The following TMEM41A variants were observed in gnomAD, a reference collection of about 807,000 sequenced individuals.
TMEM41A encodes the protein transmembrane protein 41A.
TMEM41A carries 20 observed loss-of-function variants against 25.7 expected under a neutral mutation model. The ratio of observed to expected loss-of-function variants is 0.78; its 90% CI spans 0.55 to 1.13. The LOEUF (loss-of-function observed/expected upper bound fraction) is 1.13. Among genes scored for constraint, TMEM41A ranks in the 50% most tolerant of loss-of-function variants. TMEM41A has a pLI of 0.00. For synonymous variants in TMEM41A, 133 were observed against 139.6 expected (o/e 0.95, Z 0.33); for missense variants, 299 against 314.3 (o/e 0.95, Z 0.37).
At chr3:185,494,602 C>T (rs776630900) in intron 4 of TMEM41A, 21 bp downstream of exon 4, 21 of 1,569,872 alleles carry the variant, frequency 1.3e-5, no homozygotes, top group Non-Finnish European at 1.7e-5. Context: ...AAGACTCAAA[C>T]CTACCCCACT....
chr3:185,494,456 G>C, intron 4 of TMEM41A, 167 bp downstream of exon 4: 1 of 796,210 alleles, frequency 1.3e-6, no homozygotes, highest in East Asian at 2.8e-5. Context: ...GTTGAAGCCT[G>C]AGCAGATCTG....
chr3:185,490,370 C>A lies in TMEM41A; in HGVS notation c.*1167G>T, dbSNP rs1277930214. The A allele has an allele frequency of 1.3e-5, 2 of 152,230 alleles. No individual in the cohort carries two copies. Among genetic ancestry groups the A allele is most frequent in the African/African-American group, 4.8e-5 (2 of 41,472 alleles). The allele number at this position is 152,230 out of a possible 1,614,324, so 9.4% of individuals were successfully genotyped here. ...GATGGCCCCATATACTGAACCCATTCTCCTAGCATGACACAGAACGGATTC... is the reference window on the plus strand; with the variant it reads ...GATGGCCCCATATACTGAACCCATTATCCTAGCATGACACAGAACGGATTC... On this transcript the variant is annotated 3_prime_UTR_variant, in exon 5 of 5. Coordinates refer to ENST00000421852, the MANE Select transcript of TMEM41A (RefSeq NM_080652.4).
At position 185,494,731 on chromosome 3, in the gene TMEM41A, A is replaced by G. The variant is rs535876936; in HGVS notation, c.466T>C (p.Phe156Leu). 3.7e-6 allele frequency: 6 copies of G among 1,612,158 alleles called. No homozygotes were observed. Among genetic ancestry groups the G allele is most frequent in the Admixed American group, 3.4e-5 (2 of 59,504 alleles). ...GGGAAAAGTCTCAAAAACAATAAGA[A>G]AAAAAACAAGCTGTTTCTGTTCTCC... is the stretch of plus-strand genomic sequence containing the variant. ...VEENRNSLFF[F>L]LLFLRLFPMT... The change falls in exon 4 of 5, where the codon TTC (phenylalanine) becomes CTC (leucine). Residue 156 changes from phenylalanine (F) to leucine (L), a missense_variant. Transcript: ENST00000421852.
In TMEM41A at chr3:185,498,851, A is replaced by T; in HGVS notation, c.111T>A (p.Ala37=). 1 of 1,596,188 alleles carries T rather than the reference A, an allele frequency of 6.3e-7. No homozygotes were observed. Among genetic ancestry groups the T allele is most frequent in the South Asian group, 1.1e-5 (1 of 88,650 alleles). Reference sequence around the variant, plus strand: ...GGATTCCCGCCACGCACCTGCCTCCAGCCTCCTCGGTGGAGCCCAGTCTCC... The same window carrying T: ...GGATTCCCGCCACGCACCTGCCTCCTGCCTCCTCGGTGGAGCCCAGTCTCC... ...RGRRLGSTEE[A]GGRSLWFPSD... Residue 37 remains alanine (A), a synonymous_variant, in exon 1 of 5, where the codon GCT becomes GCA. Coordinates refer to ENST00000421852, the MANE Select transcript of TMEM41A (RefSeq NM_080652.4).
At chr3:185,491,850 T>G (rs1410025152) in intron 4 of TMEM41A, 93 bp from the exon 5 acceptor site, 7 of 905,802 alleles carry the variant, frequency 7.7e-6, no homozygotes, top group Non-Finnish European at 1.1e-5. Flanking sequence ...GTGACTACGG[T>G]TTTTTTTTGC....
Position 185,490,973 on chromosome 3 carries a change from A to C in TMEM41A, c.*564T>G, listed in dbSNP as rs978495959. 4 of 152,298 alleles carry C rather than the reference A, an allele frequency of 2.6e-5. No homozygotes were observed. The highest frequency in any genetic ancestry group is 9.7e-5 in the African/African-American group (4 of 41,224). 9.4% of individuals were successfully genotyped at this position (152,298 alleles called of 1,614,324 possible). On this transcript the variant is annotated 3_prime_UTR_variant, in exon 5 of 5. Transcript: ENST00000421852. ...AACTCCTTATTAGACCACAAAATAC[A>C]AACAGCATTTTCTTTTTTTCTCTTT...
At chr3:185,495,488 T>A in intron 2 of TMEM41A, 173 bp from the exon 3 acceptor site, 1 of 648,472 alleles carries the variant, frequency 1.5e-6, no homozygotes, top group Non-Finnish European at 2.6e-6. Context: ...TCACCCAGGC[T>A]GGAGTACAGT....
At chr3:185,496,700 G>A in intron 2 of TMEM41A, 128 bp downstream of exon 2, 2 of 1,224,238 alleles carry the variant, frequency 1.6e-6, no homozygotes, top group Non-Finnish European at 2.3e-6. Context: ...GAGGGCCACT[G>A]TGTGCCAGCC....
At chr3:185,497,070 G>C (rs1329888193) in intron 1 of TMEM41A, 89 bp from the exon 2 acceptor site, 1 of 1,460,700 alleles carries the variant, frequency 6.8e-7, no homozygotes, top group African/African-American at 1.4e-5. Flanking sequence ...TTTCAGAGTA[G>C]GTTTATAAAT....
rs1235105027 is a variant in TMEM41A, at chr3:185,494,644, A to C, written c.553T>G (p.Phe185Val). ...APILNIPIVQFFFSVLIGLIP... is the reference protein window; with the variant it reads ...APILNIPIVQVFFSVLIGLIP... ...TTACCGATAAGAACTGAGAAGAAGA[A>C]CTGCACGATGGGAATGTTCAGAATT... The change falls in exon 4 of 5, where the codon TTC (phenylalanine) becomes GTC (valine). Residue 185 changes from phenylalanine (F) to valine (V), a missense_variant. Phe to Val is a conservative substitution (Grantham distance 50). Coordinates refer to ENST00000421852, the MANE Select transcript of TMEM41A (RefSeq NM_080652.4). 1 of 1,609,198 alleles carries C rather than the reference A, an allele frequency of 6.2e-7. No homozygotes were observed. Among genetic ancestry groups the C allele is most frequent in the East Asian group, 2.2e-5 (1 of 44,796 alleles).
chr3:185,498,687 G>C (rs1719184652), intron 1 of TMEM41A, 156 bp downstream of exon 1: 1 of 623,732 alleles, frequency 1.6e-6, no homozygotes, highest in Non-Finnish European at 2.7e-6. Flanking sequence ...GCGGACGCGG[G>C]CCCGGATACC....
In TMEM41A at chr3:185,494,775, GAAGA is replaced by G; in HGVS notation, c.436-18_436-15del. The stretch of plus-strand genomic sequence containing the variant: ...GTTCTCCTCCACCTGTAGCCAAAGA[GAAGA>G]AAGCTGTTAAGAAGCAGAAAGGGTC... On this transcript the variant is annotated splice_polypyrimidine_tract_variant and intron_variant, in intron 3 of 4. Transcript: ENST00000421852. 1 of 1,593,750 alleles carries G rather than the reference GAAGA, an allele frequency of 6.3e-7. No individual in the cohort carries two copies. The highest frequency in any genetic ancestry group is 8.5e-7 in the Non-Finnish European group (1 of 1,172,554).
At chr3:185,496,509 C>T in intron 2 of TMEM41A, 1 of 380,246 alleles carries the variant, frequency 2.6e-6, no homozygotes, top group South Asian at 2.2e-5. Context: ...CCGAGCCCCA[C>T]ACACCTCCCC....
At chr3:185,497,149 G>C (rs571734421) in intron 1 of TMEM41A, among the ~76,000 whole-genome samples, 168 bp from the exon 2 acceptor site, 2 of 152,308 alleles carry the variant, frequency 1.3e-5, no homozygotes, top group Admixed American at 1.3e-4. Flanking sequence ...CGACGTTGCG[G>C]AGACAGACAG....
chr3:185,495,369 G>A (rs760535184), intron 2 of TMEM41A, 54 bp from the exon 3 acceptor site: 429 of 1,562,706 alleles, frequency 2.7e-4, no homozygotes, highest in Non-Finnish European at 3.6e-4. Flanking sequence ...TACCAGGCAC[G>A]TCATCTTGGA....
In TMEM41A at chr3:185,499,018, C is replaced by G; in HGVS notation, c.-57G>C. 1 of 1,478,222 alleles carries G rather than the reference C, an allele frequency of 6.8e-7. No homozygotes were observed. The highest frequency in any genetic ancestry group is 9.2e-7 in the Non-Finnish European group (1 of 1,086,522). 91.6% of individuals were successfully genotyped at this position (1,478,222 alleles called of 1,614,324 possible). A position where few individuals can be genotyped will look rare whatever the true frequency, so the allele number is the denominator to read the frequency against. ...CGAGAAGCTCACTTGCACTCCGGGA[C>G]GCAGCGGCGGGCGGACTGAGCCCGC... On this transcript the variant is annotated 5_prime_UTR_variant, in exon 1 of 5. Transcript: ENST00000421852.
In TMEM41A at chr3:185,496,876, G is replaced by A. The variant is rs539632776; in HGVS notation, c.225C>T (p.Gly75=). 16 of 1,607,322 alleles carry A rather than the reference G, an allele frequency of 1.0e-5. No homozygotes were observed. Among genetic ancestry groups the A allele is most frequent in the African/African-American group, 9.3e-5 (7 of 75,032 alleles). ...CAAAGCCCTGTTTGTAGAGGTAGGC[G>A]CCGCAGAAGAGCAGGAACACGTAGG... is the stretch of plus-strand genomic sequence containing the variant. The part of the protein sequence containing the change: ...HQAYVFLLFC[G]AYLYKQGFAI... The change falls in exon 2 of 5, where the codon GGC becomes GGT. Residue 75 remains glycine, a synonymous_variant. Transcript: ENST00000421852.
intron 4 of TMEM41A, chr3:185,494,165 A>G (rs1237555895): frequency 6.5e-6 from 1 of 153,404 alleles, no homozygotes; most frequent in Non-Finnish European, 1.5e-5. Context: ...AAGGAACCAC[A>G]CTGATGCCAG....
rs767044307 is a variant in TMEM41A at position 185,495,230 on chromosome 3, T to C, written c.359A>G (p.Tyr120Cys). The C allele has an allele frequency of 1.1e-5, 17 of 1,598,738 alleles. No individual in the cohort carries two copies. Among genetic ancestry groups the C allele is most frequent in the African/African-American group, 2.8e-5 (2 of 72,110 alleles). Residue 120 changes from tyrosine (Y) to cysteine (C), a missense_variant, in exon 3 of 5, where the codon TAC becomes TGC. Physicochemically the swap from Tyr to Cys is radical, Grantham distance 194 (BLOSUM62 -2). Coordinates refer to ENST00000421852, the MANE Select transcript of TMEM41A (RefSeq NM_080652.4). Reference sequence around the variant, plus strand: ...TTTGCCAAAAATACTGGAGAGCAGGTAGCAGCATGTGGCACCCACCGAGGT... The same window carrying C: ...TTTGCCAAAAATACTGGAGAGCAGGCAGCAGCATGTGGCACCCACCGAGGT... ...VLTSVGATCC[Y>C]LLSSIFGKQL...
Sources: gnomAD v4.1 joint callset for allele counts (sites outside exome capture counted in the v4.1 genomes callset) on GRCh38, gnomAD v4.1.1 for gene constraint, MANE v1.5 for transcripts, NCBI Gene and HGNC (gene_info 2026-07-23, HGNC 2026-07-21) for gene names.